NPAS1: variants seen among roughly 807,000 people sequenced by gnomAD.
The protein encoded by NPAS1 is neuronal PAS domain-containing protein 1.
NPAS1 carries 29 observed loss-of-function variants against 49.2 expected under a neutral mutation model. The ratio of observed to expected loss-of-function variants is 0.59; its 90% CI spans 0.44 to 0.80. The LOEUF is 0.80. Ranked by LOEUF, NPAS1 falls within the 30% of genes least tolerant of loss-of-function variation. The pLI is 0.00. For synonymous variants in NPAS1, 408 were observed against 380.4 expected, an observed-to-expected ratio of 1.07 and a Z score of -0.84; for missense variants, 825 against 835.5, an observed-to-expected ratio of 0.99 and a Z score of 0.15.
rs369320245 is a variant in NPAS1, at chr19:47,041,979, CAAAAAAAAAAA to C, written c.1218-813_1218-803del. Among the ~76,000 whole-genome samples the C allele has an allele frequency of 1.7e-3, 162 of 96,082 alleles. 2 individuals are homozygous for C. The highest frequency in any genetic ancestry group is 9.0e-3 in the South Asian group (23 of 2,560). The allele number at this position is 96,082 out of a possible 152,430, so 63.0% of individuals were successfully genotyped here. On this transcript the variant is annotated intron_variant, in intron 10 of 11. Transcript: ENST00000602212. ...TGGGCGACAGAGTGAGACCCTGTCT[CAAAAAAAAAAA>C]AAAAAAAAAAAAAAAAAGGAAAAAA...
intron 3 of NPAS1, among the ~76,000 whole-genome samples, chr19:47,031,262 G>A (rs1360756751): frequency 1.3e-5 from 2 of 149,350 alleles, no homozygotes; most frequent in African/African-American, 2.5e-5. Context: ...GCAGTGGCGC[G>A]ATCTTGACTC....
intron 5 of NPAS1, among the ~76,000 whole-genome samples, chr19:47,033,090 C>T (rs1157346095): frequency 6.6e-6 from 1 of 151,956 alleles, no homozygotes; most frequent in Admixed American, 6.6e-5. Flanking sequence ...CAGGCGCCCA[C>T]CACACCCGGC....
In NPAS1 at chr19:47,045,603, G is replaced by A; in HGVS notation, c.1725G>A (p.Leu575=). ...LPEAFYPPLG[L]PYPGPAGTRL... ...AGGCCTTTTACCCGCCCCTGGGCCT[G>A]CCCTACCCGGGGCCCGCGGGCACCA... The change falls in exon 12 of 12, where the codon CTG becomes CTA. Residue 575 remains leucine, a synonymous_variant. Transcript: ENST00000602212. 1.4e-6 allele frequency: 2 copies of A among 1,458,978 alleles called. No individual in the cohort carries two copies. Among genetic ancestry groups the A allele is most frequent in the Non-Finnish European group, 1.8e-6 (2 of 1,116,526 alleles). 90.4% of individuals were successfully genotyped at this position (1,458,978 alleles called of 1,614,324 possible).
intron 5 of NPAS1, among the ~76,000 whole-genome samples, chr19:47,033,003 G>A (rs28697202): frequency 0.42 from 63,092 of 151,976 alleles, 14,554 homozygotes; most frequent in Non-Finnish European, 0.53. Flanking sequence ...GCAGTGGTGC[G>A]ATCTTCGCTC....
chr19:47,040,744 GGGGGTCTGGGGGGCTGT>G (rs1411293466), intron 9 of NPAS1, 194 bp downstream of exon 9: 7 of 596,746 alleles, frequency 1.2e-5, no homozygotes, highest in East Asian at 1.2e-4. Context: ...TGTGTGGGGG[GGGGGTCTGGGGGGCTGT>G]GGGGTCTCCA....
intron 7 of NPAS1, 74 bp from the exon 8 acceptor site, chr19:47,039,333 C>G: frequency 6.3e-7 from 1 of 1,586,744 alleles, no homozygotes. Flanking sequence ...ACAGAGGGAA[C>G]CCAGCCCAGT....
chr19:47,040,012 C>T (rs1007612175), intron 8 of NPAS1, among the ~76,000 whole-genome samples: 3 of 152,034 alleles, frequency 2.0e-5, no homozygotes, highest in African/African-American at 7.2e-5. Context: ...CCGGGAGAGA[C>T]ACTGTTTTGT....
Position 47,037,575 on chromosome 19 carries a change from C to G in NPAS1, c.688+1446C>G, listed in dbSNP as rs188349596. ...TCTCCAGTGGAAATTTCCACTCCCA[C>G]TGTGTATGGGAGGGAGGGTGCTGCA... On this transcript the variant is annotated intron_variant, in intron 6 of 11. Transcript: ENST00000602212. Among the ~76,000 whole-genome samples the G allele has an allele frequency of 1.5e-3, 228 of 152,128 alleles. 1 individual carries two copies. Among genetic ancestry groups the G allele is most frequent in the African/African-American group, 5.1e-3 (210 of 41,518 alleles).
In NPAS1 at chr19:47,026,803, A is replaced by C. The variant is rs138775033; in HGVS notation, c.358+4956A>C. ...AACCCCGTCTCAACTAAAAATACAA[A>C]AATTAGCCGGGCATGGTGGTGGTGC... is the stretch of plus-strand genomic sequence containing the variant. On this transcript the variant is annotated intron_variant, in intron 3 of 11. Coordinates refer to ENST00000602212, the MANE Select transcript of NPAS1 (RefSeq NM_002517.4). Among the ~76,000 whole-genome samples the C allele has an allele frequency of 4.4e-3, 637 of 143,160 alleles. 10 individuals are homozygous for C. The highest frequency in any genetic ancestry group is 0.016 in the African/African-American group (609 of 37,032). 93.9% of individuals were successfully genotyped at this position (143,160 alleles called of 152,430 possible).
chr19:47,028,755 T>C (rs189511407), intron 3 of NPAS1, among the ~76,000 whole-genome samples: 37 of 152,232 alleles, frequency 2.4e-4, no homozygotes, highest in African/African-American at 8.4e-4. Flanking sequence ...AAAAAGGCAC[T>C]TGGGGACCCT....
intron 5 of NPAS1, among the ~76,000 whole-genome samples, chr19:47,033,448 G>A (rs1478764571): frequency 2.0e-5 from 3 of 150,944 alleles, no homozygotes; most frequent in Non-Finnish European, 4.4e-5. Flanking sequence ...CTTCATGTTG[G>A]TCAGGCTTGT....
At chr19:47,020,910 C>CCCCCCCT in intron 1 of NPAS1, 96 bp from the exon 2 acceptor site, 1 of 385,044 alleles carries the variant, frequency 2.6e-6, no homozygotes, top group South Asian at 5.3e-5. Flanking sequence ...CCCCCCCCAG[C>CCCCCCCT]TCCTTGCTGG....
At chr19:47,034,412 A>G (rs1036469541) in intron 5 of NPAS1, among the ~76,000 whole-genome samples, 13 of 152,148 alleles carry the variant, frequency 8.5e-5, no homozygotes, top group African/African-American at 2.9e-4. Context: ...AGTCCCTCCA[A>G]TACAAATTGC....
chr19:47,042,487 G>A (rs753127888), intron 10 of NPAS1, among the ~76,000 whole-genome samples: 69 of 152,192 alleles, frequency 4.5e-4, no homozygotes, highest in Non-Finnish European at 7.6e-4. Flanking sequence ...TGCTGAGCCC[G>A]GATTTGGGCT....
chr19:47,027,650 GCCCCTGGTCTCCCTTCTC>G lies in NPAS1; in HGVS notation c.359-4627_359-4610del, dbSNP rs1440654115. On this transcript the variant is annotated intron_variant, in intron 3 of 11. Transcript: ENST00000602212. ...TCTGCCCCTGGTCTCCCGTCTGTCTGCCCCTGGTCTCCCTTCTCTCTGCCCCTGGTCTCCTGTCTGTCT... is the reference window on the plus strand; with the variant it reads ...TCTGCCCCTGGTCTCCCGTCTGTCTGTCTGCCCCTGGTCTCCTGTCTGTCT... Among the ~76,000 whole-genome samples the G allele has an allele frequency of 1.9e-3, 171 of 90,754 alleles. 16 individuals are homozygous for G. The highest frequency in any genetic ancestry group is 5.5e-3 in the African/African-American group (135 of 24,504). The allele number at this position is 90,754 out of a possible 152,430, so 59.5% of individuals were successfully genotyped here.
rs146176746 is a variant in NPAS1 at position 47,038,660 on chromosome 19, C to G, written c.689-376C>G. Among the ~76,000 whole-genome samples the G allele has an allele frequency of 6.4e-3, 973 of 152,262 alleles. 19 individuals carry two copies. In the South Asian group the frequency reaches 0.065, roughly 10 times the overall value. On this transcript the variant is annotated intron_variant, in intron 6 of 11. Transcript: ENST00000602212. ...TGGCCAACATGGCAAAACCCCGTCT[C>G]TACTAAAAATACAAAAATTAGTCGG... is the stretch of plus-strand genomic sequence containing the variant.
chr19:47,042,028 C>A (rs2057028048), intron 10 of NPAS1, among the ~76,000 whole-genome samples: 1 of 145,276 alleles, frequency 6.9e-6, no homozygotes, highest in African/African-American at 2.6e-5. Context: ...CCCTTCTAGG[C>A]CAGGCACAGT....
chr19:47,032,443 T>TG (rs1315372616), intron 4 of NPAS1, 92 bp downstream of exon 4: 38 of 1,390,196 alleles, frequency 2.7e-5, no homozygotes, highest in Non-Finnish European at 3.9e-5. Context: ...CCATCTATTG[T>TG]GGGGGGTACC....
chr19:47,025,913 C>T (rs906860970), intron 3 of NPAS1, among the ~76,000 whole-genome samples: 2 of 150,754 alleles, frequency 1.3e-5, no homozygotes, highest in Middle Eastern at 3.3e-3. Context: ...GGCACATCCT[C>T]GCTGAGGAAG....
Sources: allele counts gnomAD v4.1 joint callset (sites outside exome capture counted in the v4.1 genomes callset), GRCh38; gene constraint gnomAD v4.1.1; transcripts MANE v1.5; gene names NCBI Gene and HGNC (gene_info 2026-07-23, HGNC 2026-07-21).